The following PGAP4 variants were observed in gnomAD, a reference collection of about 807,000 sequenced individuals.
PGAP4 encodes the protein GPI-N-acetylgalactosamine transferase PGAP4.
Under a neutral mutation model 28.2 loss-of-function variants are expected in PGAP4, and 12 were observed. The ratio of observed to expected loss-of-function variants is 0.42; its 90% CI spans 0.27 to 0.69. The LOEUF (loss-of-function observed/expected upper bound fraction) is 0.69, where lower values mean the gene tolerates loss of function less well. PGAP4 is among the 30% of genes least tolerant of loss of function. The pLI is 0.22. For missense variants in PGAP4, 425 were observed against 513.5 expected (o/e 0.83, Z 1.67); for synonymous variants, 205 against 211.8 (o/e 0.97, Z 0.28).
At chr9:101,505,914 G>A (rs1826844524) in intron 2 of PGAP4, among the ~76,000 whole-genome samples, 1 of 152,088 alleles carries the variant, frequency 6.6e-6, no homozygotes, top group Admixed American at 6.6e-5. Context: ...AAGGACCTTA[G>A]AATAAGATAA....
intron 2 of PGAP4, among the ~76,000 whole-genome samples, chr9:101,502,413 A>G (rs534872439): frequency 6.6e-5 from 10 of 152,216 alleles, no homozygotes; most frequent in African/African-American, 2.4e-4. Flanking sequence ...ATGCTTATGC[A>G]GTTAAAACTA....
At chr9:101,510,617 T>C (rs1415389202) in intron 2 of PGAP4, among the ~76,000 whole-genome samples, 1 of 152,164 alleles carries the variant, frequency 6.6e-6, no homozygotes, top group East Asian at 1.9e-4. Context: ...ACAGTCTTAG[T>C]CTTCTGCTGT....
At chr9:101,533,470 G>C (rs1398156998), upstream of PGAP4, 1 of 152,284 alleles carries the variant, frequency 6.6e-6, no homozygotes, top group Middle Eastern at 3.2e-3. Flanking sequence ...TGAGGTGTCT[G>C]AGGCTAGTCA....
rs1193092110 is a variant in PGAP4, at chr9:101,473,756, CA to C, written c.*2124del. On this transcript the variant is annotated 3_prime_UTR_variant, in exon 2 of 2. Coordinates refer to ENST00000374848, the MANE Select transcript of PGAP4 (RefSeq NM_032342.3). ...TTAAAGGGGCTCTACTGTCATTGGT[CA>C]AAAAACTTTCATGAGGAGATCCAAT... 1 of 152,206 alleles carries C rather than the reference CA, an allele frequency of 6.6e-6. No homozygotes were observed. Among genetic ancestry groups the C allele is most frequent in the Non-Finnish European group, 1.5e-5 (1 of 68,082 alleles). 9.4% of individuals were successfully genotyped at this position (152,206 alleles called of 1,614,324 possible).
chr9:101,497,090 A>C (rs916602895), intron 2 of PGAP4, among the ~76,000 whole-genome samples: 1 of 150,858 alleles, frequency 6.6e-6, no homozygotes, highest in Non-Finnish European at 1.5e-5. Context: ...CTATTTTATA[A>C]TTTTTAGAAA....
chr9:101,475,641 T>G lies in PGAP4; in HGVS notation c.*240A>C. ...TGCACCCTCACTGGGTGGGTCAGACTGCATGAGGCAGTGTGGCTGTGTGGA... is the reference window on the plus strand; with the variant it reads ...TGCACCCTCACTGGGTGGGTCAGACGGCATGAGGCAGTGTGGCTGTGTGGA... On this transcript the variant is annotated 3_prime_UTR_variant, in exon 2 of 2. Coordinates refer to ENST00000374848, the MANE Select transcript of PGAP4 (RefSeq NM_032342.3). 1 of 553,476 alleles carries G rather than the reference T, an allele frequency of 1.8e-6. No individual in the cohort carries two copies. 34.3% of individuals were successfully genotyped at this position (553,476 alleles called of 1,614,324 possible).
chr9:101,500,252 A>T (rs1826785285), intron 2 of PGAP4, among the ~76,000 whole-genome samples: 1 of 152,098 alleles, frequency 6.6e-6, no homozygotes, highest in Non-Finnish European at 1.5e-5. Context: ...ATCCAAAGTC[A>T]TGGTGTCAAC....
chr9:101,518,118 A>C (rs1331944589), intron 2 of PGAP4, among the ~76,000 whole-genome samples: 2 of 152,086 alleles, frequency 1.3e-5, no homozygotes, highest in East Asian at 3.9e-4. Flanking sequence ...TCCACTTATA[A>C]GTGAGAATAT....
intron 1 of PGAP4, chr9:101,479,991 TGG>T (rs1826435674): frequency 6.6e-6 from 1 of 151,122 alleles, no homozygotes; most frequent in Non-Finnish European, 1.5e-5. Context: ...GCCAAAACAA[TGG>T]GACAGGAAGA....
At chr9:101,488,924 A>G (rs1826659355), upstream of PGAP4, among the ~76,000 whole-genome samples, 1 of 152,142 alleles carries the variant, frequency 6.6e-6, no homozygotes, top group Non-Finnish European at 1.5e-5. Context: ...GCCTTTAGGG[A>G]GCTTACATTT....
At chr9:101,524,870 G>T (rs974173023) in intron 2 of PGAP4, among the ~76,000 whole-genome samples, 2 of 152,176 alleles carry the variant, frequency 1.3e-5, no homozygotes, top group Non-Finnish European at 2.9e-5. Flanking sequence ...GAGGGTCTGT[G>T]GGTCCTCTCG....
At position 101,518,418 on chromosome 9, in the gene PGAP4, T is replaced by A. The variant is rs10117644; in HGVS notation, c.-165+12930A>T. ...ACTGCACCATATTTGTAGTCTTTTA[T>A]CCCTCGCCCTCCTTCCATTCTTCCC... On this transcript the variant is annotated intron_variant, in intron 2 of 3. Coordinates refer to the PGAP4 transcript ENST00000374851. Among the ~76,000 whole-genome samples the A allele has an allele frequency of 1.1e-3, 169 of 152,294 alleles. 2 individuals carry two copies. The highest frequency in any genetic ancestry group is 4.0e-3 in the African/African-American group (165 of 41,580).
chr9:101,522,407 C>A (rs1826996643), intron 2 of PGAP4, among the ~76,000 whole-genome samples: 1 of 152,090 alleles, frequency 6.6e-6, no homozygotes, highest in South Asian at 2.1e-4. Context: ...GTGTTAGGTG[C>A]ATATATGTTT....
At chr9:101,493,346 T>C (rs148880190) in intron 2 of PGAP4, among the ~76,000 whole-genome samples, 1 of 152,306 alleles carries the variant, frequency 6.6e-6, no homozygotes, top group East Asian at 1.9e-4. Flanking sequence ...CTCTGCCTTT[T>C]ATTTGTTGGC....
In PGAP4 at chr9:101,523,733, G is replaced by A. The variant is rs1056794943; in HGVS notation, c.-165+7615C>T. On this transcript the variant is annotated intron_variant, in intron 2 of 3. Coordinates refer to the PGAP4 transcript ENST00000374851. Reference sequence around the variant, plus strand: ...AACTAACCTCCTGAATTCTTTTTCAGGTAAATCAGGAATTTATTCTTGGTT... The same window carrying A: ...AACTAACCTCCTGAATTCTTTTTCAAGTAAATCAGGAATTTATTCTTGGTT... Among the ~76,000 whole-genome samples, 8 of 140,878 alleles carry A rather than the reference G, an allele frequency of 5.7e-5. No homozygotes were observed. The East Asian group carries it at 1.7e-3, about 31-fold the overall frequency. 92.4% of individuals were successfully genotyped at this position (140,878 alleles called of 152,430 possible). A position where few individuals can be genotyped will look rare whatever the true frequency, so the allele number is the denominator to read the frequency against.
intron 2 of PGAP4, among the ~76,000 whole-genome samples, chr9:101,496,022 A>G (rs1826744705): frequency 6.6e-6 from 1 of 151,514 alleles, no homozygotes; most frequent in Admixed American, 6.6e-5. Flanking sequence ...AGGAATGTAA[A>G]CAGGAAAATG....
In PGAP4 at chr9:101,517,600, G is replaced by A. The variant is rs12343067; in HGVS notation, c.-165+13748C>T. On this transcript the variant is annotated intron_variant, in intron 2 of 3. Coordinates refer to the PGAP4 transcript ENST00000374851. ...AAACTACATAAAAATAAAAGCAAAG[G>A]AATGACAAACATGTGATTCAAGATG... 4.4e-3 allele frequency among the ~76,000 whole-genome samples: 666 copies of A among 152,192 alleles called. 6 individuals are homozygous for A. Among genetic ancestry groups the A allele is most frequent in the African/African-American group, 0.015 (638 of 41,516 alleles).
chr9:101,516,676 C>A (rs530088353), intron 2 of PGAP4, among the ~76,000 whole-genome samples: 2 of 152,260 alleles, frequency 1.3e-5, no homozygotes, highest in South Asian at 4.1e-4. Flanking sequence ...TCCTGCAGAC[C>A]TAGTTCTCAT....
intron 2 of PGAP4, among the ~76,000 whole-genome samples, chr9:101,519,347 C>CG (rs2118624038): frequency 6.6e-6 from 1 of 152,084 alleles, no homozygotes; most frequent in African/African-American, 2.4e-5. Flanking sequence ...TTAGTCGAGA[C>CG]GGGGTTTCAC....
Sources: allele counts gnomAD v4.1 joint callset (sites outside exome capture counted in the v4.1 genomes callset), GRCh38; gene constraint gnomAD v4.1.1; transcripts MANE v1.5; gene names NCBI Gene and HGNC (gene_info 2026-07-23, HGNC 2026-07-21).